ADGRD1: variants seen among roughly 807,000 people sequenced by gnomAD.
ADGRD1 encodes adhesion G protein-coupled receptor D1, also known as G-protein coupled receptor 133.
Under a neutral mutation model 113.4 loss-of-function variants are expected in ADGRD1, and 77 were observed. The ratio of observed to expected loss-of-function variants is 0.68; its 90% CI spans 0.57 to 0.82. ADGRD1 has a LOEUF of 0.82. Among genes scored for constraint, ADGRD1 ranks in the 40% least tolerant of loss-of-function variants. The probability of loss-of-function intolerance (pLI) is 0.00; values close to 1 mark genes in which losing one functional copy is unlikely to be tolerated. For missense variants in ADGRD1, 1,036 were observed against 1,139.1 expected (o/e 0.91, Z 1.30); for synonymous variants, 474 against 475.0 (o/e 1.00, Z 0.03).
intron 15 of ADGRD1, among the ~76,000 whole-genome samples, chr12:131,101,451 G>A (rs1287790075): frequency 7.3e-5 from 9 of 123,618 alleles, no homozygotes; most frequent in East Asian, 2.3e-4. Flanking sequence ...CAAGTGGCAC[G>A]ATTTCGGCTC....
intron 14 of ADGRD1, among the ~76,000 whole-genome samples, chr12:131,078,749 G>A (rs556047685): frequency 1.2e-4 from 18 of 152,162 alleles, no homozygotes; most frequent in African/African-American, 4.1e-4. Flanking sequence ...TGATGTTAAC[G>A]AACCCTCCAC....
intron 15 of ADGRD1, among the ~76,000 whole-genome samples, chr12:131,094,031 ACCCAGCCTCAGTC>A (rs1407626636): frequency 7.0e-6 from 1 of 143,038 alleles, no homozygotes. Context: ...CAGCGTCAGC[ACCCAGCCTCAGTC>A]CCCAGCCTCA....
intron 2 of ADGRD1, among the ~76,000 whole-genome samples, chr12:130,955,638 G>A (rs1869464357): frequency 6.6e-6 from 1 of 152,176 alleles, no homozygotes; most frequent in Non-Finnish European, 1.5e-5. Flanking sequence ...AGGAGACCCT[G>A]CTAGTGCCTG....
intron 15 of ADGRD1, among the ~76,000 whole-genome samples, chr12:131,090,203 G>A (rs1886818274): frequency 6.6e-6 from 1 of 152,044 alleles, no homozygotes; most frequent in African/African-American, 2.4e-5. Context: ...ATTTGAAAAT[G>A]GTTTAAAATT....
chr12:130,987,554 G>A (rs1206377220), intron 6 of ADGRD1: 1 of 605,792 alleles, frequency 1.7e-6, no homozygotes, highest in East Asian at 2.8e-5. Flanking sequence ...GAGATGCTTT[G>A]AGATGAATAT....
chr12:131,057,312 G>A lies in ADGRD1; in HGVS notation c.1474-19489G>A, dbSNP rs1185296660. ...GGTTCCTAATGTGTTGAGACACGCC[G>A]CGGACCAGAGAATGCTTGGAAGGGG... is the stretch of plus-strand genomic sequence containing the variant. On this transcript the variant is annotated intron_variant, in intron 13 of 24. Coordinates refer to ENST00000261654, the MANE Select transcript of ADGRD1 (RefSeq NM_198827.5). This position sits in a 1 kb window ranked among gnomAD's most constrained non-coding sequence, Gnocchi z 4.2. Among the ~76,000 whole-genome samples the A allele has an allele frequency of 1.3e-5, 2 of 152,154 alleles. No homozygotes were observed. Among genetic ancestry groups the A allele is most frequent in the African/African-American group, 2.4e-5 (1 of 41,436 alleles).
chr12:131,130,480 C>T (rs576834467), intron 20 of ADGRD1, among the ~76,000 whole-genome samples: 7 of 152,318 alleles, frequency 4.6e-5, no homozygotes, highest in South Asian at 4.1e-4. Flanking sequence ...CTGAAGCCTC[C>T]GTGCAGACAG....
intron 12 of ADGRD1, among the ~76,000 whole-genome samples, chr12:131,007,603 G>A (rs970511222): frequency 6.6e-5 from 10 of 152,208 alleles, no homozygotes; most frequent in African/African-American, 2.4e-4. Flanking sequence ...GGAGCCCCAG[G>A]ATGCAGGCCA....
chr12:131,128,824 G>C (rs952699841), intron 20 of ADGRD1, among the ~76,000 whole-genome samples: 2 of 152,164 alleles, frequency 1.3e-5, no homozygotes, highest in African/African-American at 4.8e-5. Flanking sequence ...CCATAGAGTG[G>C]GTGTGGGCAG....
At position 131,041,539 on chromosome 12, in the gene ADGRD1, T is replaced by C. The variant is rs1882131130; in HGVS notation, c.1473+27199T>C. ...GACCTCCGCAGGGAGACGGAGACTG[T>C]GGTGGCCAGGACAGCATGTATTCAG... On this transcript the variant is annotated intron_variant, in intron 13 of 24. Coordinates refer to ENST00000261654, the MANE Select transcript of ADGRD1 (RefSeq NM_198827.5). This position sits in a 1 kb window ranked among gnomAD's most constrained non-coding sequence, Gnocchi z 4.4. Among the ~76,000 whole-genome samples the C allele has an allele frequency of 6.6e-6, 1 of 151,868 alleles. No homozygotes were observed.
intron 18 of ADGRD1, among the ~76,000 whole-genome samples, chr12:131,111,440 T>G (rs1008487405): frequency 6.6e-6 from 1 of 152,162 alleles, no homozygotes; most frequent in Non-Finnish European, 1.5e-5. Flanking sequence ...TTAATTCTCT[T>G]TATCAAATTT....
chr12:131,088,399 C>T (rs1444741592), intron 15 of ADGRD1, among the ~76,000 whole-genome samples: 1 of 152,214 alleles, frequency 6.6e-6, no homozygotes, highest in East Asian at 1.9e-4. Flanking sequence ...GAGATCATGT[C>T]GGATGACTTG....
chr12:131,135,961 G>A, intron 21 of ADGRD1, 76 bp from the exon 22 acceptor site: 2 of 1,530,774 alleles, frequency 1.3e-6, no homozygotes, highest in Admixed American at 3.5e-5. Flanking sequence ...CTGGAAGCCT[G>A]GCGTCTCGAG....
chr12:131,098,938 T>C (rs1409445007), intron 15 of ADGRD1, among the ~76,000 whole-genome samples: 2 of 152,176 alleles, frequency 1.3e-5, no homozygotes, highest in Non-Finnish European at 2.9e-5. Context: ...TGGGCAGTCA[T>C]TTACTGCGGC....
intron 13 of ADGRD1, among the ~76,000 whole-genome samples, chr12:131,018,653 C>T (rs1397616114): frequency 6.6e-6 from 1 of 152,206 alleles, no homozygotes; most frequent in African/African-American, 2.4e-5. Context: ...AAAGAGCCCA[C>T]CTCCCTGATA....
At chr12:130,979,817 T>A (rs2141187) in intron 4 of ADGRD1, among the ~76,000 whole-genome samples, 5,941 of 53,656 alleles carry the variant, frequency 0.11, 245 homozygotes, top group South Asian at 0.21. Context: ...AGCTAGTGTC[T>A]CACACACACA....
At chr12:131,137,977 G>A (rs573383960) in intron 23 of ADGRD1, 160 bp from the exon 24 acceptor site, 15 of 645,314 alleles carry the variant, frequency 2.3e-5, no homozygotes, top group Admixed American at 8.8e-5. Context: ...ACAGAGCAGC[G>A]ATGCACAGCT....
At chr12:131,097,682 C>A (rs1255854753) in intron 15 of ADGRD1, among the ~76,000 whole-genome samples, 1 of 152,148 alleles carries the variant, frequency 6.6e-6, no homozygotes, top group Admixed American at 6.5e-5. Flanking sequence ...GAGGGCTGCC[C>A]TGAGGGGAGA....
intron 24 of ADGRD1, 40 bp downstream of exon 24, chr12:131,138,269 C>G (rs747914384): frequency 6.4e-7 from 1 of 1,559,780 alleles, no homozygotes; most frequent in Non-Finnish European, 8.8e-7. Context: ...CCAGCCCATC[C>G]TCCTTCCCCA....
Sources: gnomAD v4.1 joint callset for allele counts (sites outside exome capture counted in the v4.1 genomes callset) on GRCh38, gnomAD v4.1.1 for gene constraint, Gnocchi (gnomAD v3.1) non-coding constraint, MANE v1.5 for transcripts, NCBI Gene and HGNC (gene_info 2026-07-23, HGNC 2026-07-21) for gene names.